The following WNT3 variants were observed in gnomAD, a reference collection of about 807,000 sequenced individuals.
The protein encoded by WNT3 is proto-oncogene Wnt-3.
Under a neutral mutation model 34.2 loss-of-function variants are expected in WNT3, and 7 were observed. The ratio of observed to expected loss-of-function variants is 0.20; its 90% CI spans 0.12 to 0.38. The LOEUF is 0.38. WNT3 is among the 10% of genes least tolerant of loss of function. The probability of loss-of-function intolerance (pLI) is 1.00; values close to 1 mark genes in which losing one functional copy is unlikely to be tolerated. For synonymous variants in WNT3, 212 were observed against 211.5 expected, an observed-to-expected ratio of 1.00 and a Z score of -0.02; for missense variants, 267 against 499.8, an observed-to-expected ratio of 0.53 and a Z score of 4.44.
intron 1 of WNT3, among the ~76,000 whole-genome samples, chr17:46,790,110 C>T (rs1371287948): frequency 1.3e-5 from 2 of 152,156 alleles, no homozygotes; most frequent in African/African-American, 2.4e-5. Flanking sequence ...CAGTCCAGAG[C>T]GAGCCTCAAC....
At chr17:46,782,311 GAGA>G (rs1447076197) in intron 1 of WNT3, among the ~76,000 whole-genome samples, 4 of 152,184 alleles carry the variant, frequency 2.6e-5, no homozygotes, top group Non-Finnish European at 5.9e-5. Context: ...GGAAGGTGAG[GAGA>G]AGGAGTCAGA....
At chr17:46,781,096 T>C (rs758150879) in intron 1 of WNT3, among the ~76,000 whole-genome samples, 40 of 151,876 alleles carry the variant, frequency 2.6e-4, no homozygotes, top group Non-Finnish European at 1.9e-4. Context: ...GGCCTGGTGG[T>C]GCGTGCCTGT....
At position 46,768,192 on chromosome 17, in the gene WNT3, A is replaced by C. The variant is rs1458175455; in HGVS notation, c.*8+120T>G. 1.4e-6 allele frequency: 2 copies of C among 1,440,080 alleles called. No homozygotes were observed. Among genetic ancestry groups the C allele is most frequent in the Non-Finnish European group, 9.4e-7 (1 of 1,059,864 alleles). 89.2% of individuals were successfully genotyped at this position (1,440,080 alleles called of 1,614,324 possible). On this transcript the variant is annotated intron_variant, in intron 4 of 4. Coordinates refer to ENST00000225512, the MANE Select transcript of WNT3 (RefSeq NM_030753.5). The surrounding 1 kb of genome is among the most constrained non-coding windows in gnomAD (Gnocchi z 5.0). ...CCTAGCTTCCTATTTTGGCTGTGGG[A>C]ACTTGTGTGTCTTGGATAGCTTAGA...
At chr17:46,810,951 C>T (rs1260662885) in intron 1 of WNT3, among the ~76,000 whole-genome samples, 1 of 152,142 alleles carries the variant, frequency 6.6e-6, no homozygotes, top group Non-Finnish European at 1.5e-5. Context: ...CCCGCTCTGG[C>T]ATCTCCTTCA....
chr17:46,791,263 TAGTGCAGTGGCGTGATCTCAGCTC>T (rs1194133877), intron 1 of WNT3, among the ~76,000 whole-genome samples: 3 of 151,924 alleles, frequency 2.0e-5, no homozygotes, highest in Non-Finnish European at 4.4e-5. Flanking sequence ...ACCCAGGCTG[TAGTGCAGTGGCGTGATCTCAGCTC>T]ACTGCAACCT....
chr17:46,765,927 T>G (rs1179714942), intron 4 of WNT3, among the ~76,000 whole-genome samples: 1 of 152,212 alleles, frequency 6.6e-6, no homozygotes, highest in Non-Finnish European at 1.5e-5. Flanking sequence ...AAGGGCACCA[T>G]GTTGGGAGAG....
chr17:46,804,829 TA>T (rs1441984671), intron 1 of WNT3, among the ~76,000 whole-genome samples: 6 of 152,140 alleles, frequency 3.9e-5, no homozygotes, highest in African/African-American at 1.4e-4. Flanking sequence ...TAGAGGTTTG[TA>T]AAATGGACCA....
chr17:46,790,444 G>GT (rs1369429511), intron 1 of WNT3, among the ~76,000 whole-genome samples: 1 of 151,972 alleles, frequency 6.6e-6, no homozygotes, highest in African/African-American at 2.4e-5. Flanking sequence ...CCCCTCTGTG[G>GT]TATCCTCCCT....
At chr17:46,805,308 C>T (rs1045217674) in intron 1 of WNT3, among the ~76,000 whole-genome samples, 6 of 152,024 alleles carry the variant, frequency 3.9e-5, no homozygotes, top group East Asian at 1.9e-4. Flanking sequence ...CACAGTGGCT[C>T]ACGCCTGTAA....
intron 1 of WNT3, among the ~76,000 whole-genome samples, chr17:46,807,460 C>T (rs1277947430): frequency 2.0e-5 from 3 of 152,124 alleles, no homozygotes; most frequent in Admixed American, 1.3e-4. Flanking sequence ...CCAGCCTGGG[C>T]AACAAGAGCA....
chr17:46,804,035 T>C (rs2084160744), intron 1 of WNT3, among the ~76,000 whole-genome samples: 1 of 152,072 alleles, frequency 6.6e-6, no homozygotes. Flanking sequence ...GCATTGACCT[T>C]GACTTGCATA....
At chr17:46,772,712 C>G (rs1425795880) in intron 2 of WNT3, among the ~76,000 whole-genome samples, 1 of 152,204 alleles carries the variant, frequency 6.6e-6, no homozygotes, top group African/African-American at 2.4e-5. Context: ...CCCTGAGCAC[C>G]TGAGGCACCG....
At chr17:46,813,721 C>T (rs1307672992) in intron 1 of WNT3, among the ~76,000 whole-genome samples, 1 of 152,150 alleles carries the variant, frequency 6.6e-6, no homozygotes, top group Non-Finnish European at 1.5e-5. Flanking sequence ...CCTGTGCCAT[C>T]CCCTGGCTCC....
At chr17:46,774,984 G>A (rs574139238) in intron 1 of WNT3, among the ~76,000 whole-genome samples, 1 of 152,298 alleles carries the variant, frequency 6.6e-6, no homozygotes, top group East Asian at 1.9e-4. Context: ...CAAGGCTTTG[G>A]TCCAGCATTG....
chr17:46,769,780 CACCG>C lies in WNT3; in HGVS notation c.587_588+2del. The C allele has an allele frequency of 6.2e-7, 1 of 1,610,390 alleles. No homozygotes were observed. Among genetic ancestry groups the C allele is most frequent in the Non-Finnish European group, 8.5e-7 (1 of 1,179,848 alleles). On this transcript the variant is annotated splice_donor_variant and coding_sequence_variant, in exon 3 of 5. Transcript: ENST00000225512. LOFTEE classifies it high-confidence loss of function. The stretch of plus-strand genomic sequence containing the variant: ...AGGGTTTGGGGAGGGTAGCCGGGCT[CACCG>C]TGCGGCCCGCCTCGTTGTTGTGCTT...
At chr17:46,807,768 C>T (rs1568095607) in intron 1 of WNT3, among the ~76,000 whole-genome samples, 1 of 152,152 alleles carries the variant, frequency 6.6e-6, no homozygotes, top group African/African-American at 2.4e-5. Flanking sequence ...GATTCAATAA[C>T]AAAATAAAAA....
At chr17:46,774,364 A>G (rs755946249) in intron 1 of WNT3, among the ~76,000 whole-genome samples, 1 of 152,072 alleles carries the variant, frequency 6.6e-6, no homozygotes, top group Non-Finnish European at 1.5e-5. Flanking sequence ...GCGCGCGCGC[A>G]CACACACACA....
At chr17:46,779,053 TCACACACACACACA>T (rs56965619) in intron 1 of WNT3, among the ~76,000 whole-genome samples, 103 of 100,596 alleles carry the variant, frequency 1.0e-3, no homozygotes, top group South Asian at 3.2e-3. Context: ...CCCTACCCCA[TCACACACACACACA>T]CACACACACA....
At chr17:46,793,272 TAAAAAAAAAAAAAAAAAAA>T (rs71138551) in intron 1 of WNT3, among the ~76,000 whole-genome samples, 1 of 41,950 alleles carries the variant, frequency 2.4e-5, no homozygotes, top group Non-Finnish European at 4.0e-5. Flanking sequence ...AGACCCTGTC[TAAAAAAAAAAAAAAAAAAA>T]AAAAAAAAAA....
Sources: allele counts gnomAD v4.1 joint callset (sites outside exome capture counted in the v4.1 genomes callset), GRCh38; gene constraint gnomAD v4.1.1; non-coding constraint Gnocchi (gnomAD v3.1); transcripts MANE v1.5; gene names NCBI Gene and HGNC (gene_info 2026-07-23, HGNC 2026-07-21).